ASTN1: variants seen among roughly 807,000 people sequenced by gnomAD.
ASTN1 encodes the protein astrotactin 1, also known as astrotactin-1.
Under a neutral mutation model 140.7 loss-of-function variants are expected in ASTN1, and 41 were observed. That is an observed-to-expected ratio of 0.29 (90% confidence interval 0.23 to 0.38). The LOEUF is 0.38. Ranked by LOEUF, ASTN1 falls within the 10% of genes least tolerant of loss-of-function variation. The probability of loss-of-function intolerance (pLI) is 1.00; values close to 1 mark genes in which losing one functional copy is unlikely to be tolerated. For synonymous variants in ASTN1, 640 were observed against 652.2 expected, an observed-to-expected ratio of 0.98 and a Z score of 0.29; for missense variants, 1,479 against 1,678.8, an observed-to-expected ratio of 0.88 and a Z score of 2.08.
intron 8 of ASTN1, among the ~76,000 whole-genome samples, chr1:177,007,604 C>T (rs1406157938): frequency 2.0e-5 from 3 of 152,082 alleles, no homozygotes; most frequent in African/African-American, 7.2e-5. Context: ...AGATTCTGGG[C>T]CCTCTCCCAG....
chr1:176,911,319 A>G (rs1670227885), intron 16 of ASTN1, among the ~76,000 whole-genome samples: 1 of 152,142 alleles, frequency 6.6e-6, no homozygotes. Context: ...AACACTGGAC[A>G]CTTAGGCTAC....
intron 8 of ASTN1, among the ~76,000 whole-genome samples, chr1:176,970,731 G>GGTGTGTGTGTGT (rs10642697): frequency 1.4e-5 from 2 of 147,140 alleles, no homozygotes; most frequent in African/African-American, 5.0e-5. Context: ...TGTGGGTATG[G>GGTGTGTGTGTGT]GTGTGTGTGT....
chr1:177,101,621 G>A (rs1342175571), intron 1 of ASTN1, among the ~76,000 whole-genome samples: 1 of 152,114 alleles, frequency 6.6e-6, no homozygotes, highest in Non-Finnish European at 1.5e-5. Context: ...AGGATTCCAG[G>A]TACATAGGCT....
intron 8 of ASTN1, among the ~76,000 whole-genome samples, chr1:176,989,426 C>T (rs751957666): frequency 2.0e-5 from 3 of 152,220 alleles, no homozygotes; most frequent in Non-Finnish European, 4.4e-5. Context: ...AAGCTTCGTC[C>T]TGCAGAGGTA....
chr1:176,920,199 T>A (rs1469447363), intron 16 of ASTN1, among the ~76,000 whole-genome samples: 1 of 152,146 alleles, frequency 6.6e-6, no homozygotes, highest in Non-Finnish European at 1.5e-5. Context: ...TATGACTTAG[T>A]GGAACCATCT....
intron 2 of ASTN1, among the ~76,000 whole-genome samples, chr1:177,034,723 G>C (rs1676628286): frequency 6.6e-6 from 1 of 152,134 alleles, no homozygotes; most frequent in African/African-American, 2.4e-5. Flanking sequence ...GTATCTCAGA[G>C]TCAGTGCTAT....
chr1:177,135,249 G>T (rs1280290232), intron 1 of ASTN1, among the ~76,000 whole-genome samples: 1 of 151,796 alleles, frequency 6.6e-6, no homozygotes, highest in East Asian at 1.9e-4. Flanking sequence ...TGTGACCAAG[G>T]TTAGATCCTA....
At chr1:177,011,164 G>C (rs778682968) in intron 8 of ASTN1, among the ~76,000 whole-genome samples, 2 of 151,908 alleles carry the variant, frequency 1.3e-5, no homozygotes, top group Non-Finnish European at 1.5e-5. Flanking sequence ...TCATGTCTCC[G>C]TACCTTTCTG....
chr1:176,891,123 G>A (rs1669245251), intron 17 of ASTN1, among the ~76,000 whole-genome samples: 1 of 152,142 alleles, frequency 6.6e-6, no homozygotes, highest in African/African-American at 2.4e-5. Context: ...ATAGAAGAGA[G>A]GAATTAAGAA....
At chr1:177,138,758 C>T (rs745468487) in intron 1 of ASTN1, among the ~76,000 whole-genome samples, 1 of 152,118 alleles carries the variant, frequency 6.6e-6, no homozygotes, top group Non-Finnish European at 1.5e-5. Flanking sequence ...TGCTTGGGTG[C>T]TACCTGAGTG....
intron 13 of ASTN1, 114 bp from the exon 14 acceptor site, chr1:176,944,132 C>A (rs1411541340): frequency 8.7e-6 from 12 of 1,384,162 alleles, no homozygotes. Context: ...GGCTGGAGTG[C>A]AATGGCAGGA....
At chr1:177,069,624 G>A (rs548103322) in intron 1 of ASTN1, among the ~76,000 whole-genome samples, 10 of 152,200 alleles carry the variant, frequency 6.6e-5, no homozygotes, top group African/African-American at 1.2e-4. Flanking sequence ...AATAGCAATC[G>A]AGCAACTACA....
At chr1:177,013,979 G>A (rs1675418522) in intron 8 of ASTN1, among the ~76,000 whole-genome samples, 1 of 151,810 alleles carries the variant, frequency 6.6e-6, no homozygotes, top group Non-Finnish European at 1.5e-5. Flanking sequence ...CCAGGAGTTG[G>A]ATGTTACTGT....
chr1:177,160,765 G>T (rs1647310692), intron 1 of ASTN1, among the ~76,000 whole-genome samples: 1 of 152,200 alleles, frequency 6.6e-6, no homozygotes, highest in Non-Finnish European at 1.5e-5. Flanking sequence ...CTGAGAGGAT[G>T]CTAAGGCTCA....
At chr1:176,881,081 T>C (rs141583000) in intron 20 of ASTN1, among the ~76,000 whole-genome samples, 27 of 152,312 alleles carry the variant, frequency 1.8e-4, no homozygotes, top group African/African-American at 5.8e-4. Flanking sequence ...GCTCTGTCCC[T>C]ATCCCAAGGG....
At chr1:177,008,461 A>G (rs1675106202) in intron 8 of ASTN1, among the ~76,000 whole-genome samples, 6 of 134,556 alleles carry the variant, frequency 4.5e-5, no homozygotes, top group Non-Finnish European at 9.6e-5. Flanking sequence ...GAGGGAGAGG[A>G]AGAGAGAGAG....
At chr1:176,981,486 A>C (rs1256633147) in intron 8 of ASTN1, 1 of 152,192 alleles carries the variant, frequency 6.6e-6, no homozygotes, top group African/African-American at 2.4e-5. Context: ...GGGGTGCCAA[A>C]ATCCAATATG....
At chr1:177,060,982 G>A in intron 2 of ASTN1, 96 bp downstream of exon 2, 1 of 1,211,914 alleles carries the variant, frequency 8.3e-7, no homozygotes, top group Admixed American at 2.9e-5. Context: ...TCATTACAGA[G>A]TTAGGTCTGA....
chr1:177,088,837 C>T (rs758070382), intron 1 of ASTN1, among the ~76,000 whole-genome samples: 1 of 152,052 alleles, frequency 6.6e-6, no homozygotes, highest in Non-Finnish European at 1.5e-5. Flanking sequence ...GTTTTCTTTG[C>T]TCTCTTCTTT....
Sources: gnomAD v4.1 joint callset for allele counts (sites outside exome capture counted in the v4.1 genomes callset) on GRCh38, gnomAD v4.1.1 for gene constraint, MANE v1.5 for transcripts, NCBI Gene and HGNC (gene_info 2026-07-23, HGNC 2026-07-21) for gene names.